The following CDH13 variants were observed in gnomAD, a reference collection of about 807,000 sequenced individuals.
The protein encoded by CDH13 is cadherin 13.
Under a neutral mutation model 63.8 loss-of-function variants are expected in CDH13, and 24 were observed. The observed-to-expected ratio is 0.38, with a 90% CI of 0.27 to 0.53. CDH13 has a LOEUF of 0.53. Among genes scored for constraint, CDH13 ranks in the 20% least tolerant of loss-of-function variants. The pLI, the probability that CDH13 is intolerant of heterozygous loss-of-function variation, is 0.85. For synonymous variants in CDH13, 503 were observed against 355.3 expected, an observed-to-expected ratio of 1.42 and a Z score of -4.67; for missense variants, 1,049 against 903.1, an observed-to-expected ratio of 1.16 and a Z score of -2.07.
chr16:83,452,541 T>C (rs890156711), intron 6 of CDH13, among the ~76,000 whole-genome samples: 1 of 152,190 alleles, frequency 6.6e-6, no homozygotes, highest in Non-Finnish European at 1.5e-5. Context: ...TGTGTTTGGT[T>C]GATGTTTTCG....
intron 4 of CDH13, among the ~76,000 whole-genome samples, chr16:83,200,085 C>G (rs142404462): frequency 1.4e-3 from 218 of 152,260 alleles, no homozygotes; most frequent in Middle Eastern, 3.4e-3. Context: ...CTGATTCACA[C>G]GGTGCTGATA....
intron 1 of CDH13, among the ~76,000 whole-genome samples, chr16:82,749,757 C>G (rs1195620914): frequency 6.6e-6 from 1 of 151,984 alleles, no homozygotes; most frequent in African/African-American, 2.4e-5. Context: ...TTTTGCTTCC[C>G]TCCTTTCCTT....
intron 7 of CDH13, among the ~76,000 whole-genome samples, chr16:83,502,170 C>G (rs541028115): frequency 1.3e-5 from 2 of 152,240 alleles, no homozygotes; most frequent in East Asian, 3.9e-4. Flanking sequence ...CCTTACAGGG[C>G]AAATGGGACT....
At chr16:82,815,440 T>G (rs1162494458) in intron 1 of CDH13, among the ~76,000 whole-genome samples, 1 of 152,066 alleles carries the variant, frequency 6.6e-6, no homozygotes, top group Non-Finnish European at 1.5e-5. Flanking sequence ...GAGGTGGTTG[T>G]GAGGATTACA....
intron 5 of CDH13, among the ~76,000 whole-genome samples, chr16:83,327,610 G>C (rs974306822): frequency 6.6e-6 from 1 of 152,128 alleles, no homozygotes; most frequent in Non-Finnish European, 1.5e-5. Flanking sequence ...TTACAGACCA[G>C]AAAAATGGCT....
chr16:83,278,776 C>G lies in CDH13; in HGVS notation c.636+61279C>G, dbSNP rs570200851. The stretch of plus-strand genomic sequence containing the variant: ...GCAAACTCCTTGAGAGCATCTGATT[C>G]GCATTCTGTGAAGAACCTGTATTCA... On this transcript the variant is annotated intron_variant, in intron 5 of 13. Transcript: ENST00000567109. 2.0e-5 allele frequency among the ~76,000 whole-genome samples: 3 copies of G among 152,250 alleles called. No individual in the cohort carries two copies. In the East Asian group the frequency reaches 5.8e-4, roughly 29 times the overall value.
At chr16:83,395,191 G>A (rs933392781) in intron 6 of CDH13, among the ~76,000 whole-genome samples, 3 of 150,352 alleles carry the variant, frequency 2.0e-5, no homozygotes, top group African/African-American at 7.4e-5. Flanking sequence ...GCATGTGCCT[G>A]TAATCCCAGC....
chr16:83,114,606 C>T (rs1160801352), intron 3 of CDH13, among the ~76,000 whole-genome samples: 1 of 152,168 alleles, frequency 6.6e-6, no homozygotes, highest in African/African-American at 2.4e-5. Flanking sequence ...AGTAAATCTG[C>T]AGTGGGTGAC....
intron 10 of CDH13, among the ~76,000 whole-genome samples, chr16:83,733,789 G>T (rs391967): frequency 1.3e-5 from 2 of 152,048 alleles, no homozygotes; most frequent in Admixed American, 6.5e-5. Flanking sequence ...CCCAGTGAGC[G>T]TGTTTCTTTG....
At chr16:82,802,467 C>G (rs887855478) in intron 1 of CDH13, among the ~76,000 whole-genome samples, 1 of 152,104 alleles carries the variant, frequency 6.6e-6, no homozygotes, top group African/African-American at 2.4e-5. Flanking sequence ...TTGAGAGATT[C>G]AGAGGTTCTC....
chr16:83,524,385 T>A (rs2074908022), intron 7 of CDH13, among the ~76,000 whole-genome samples: 1 of 151,756 alleles, frequency 6.6e-6, no homozygotes, highest in Non-Finnish European at 1.5e-5. Context: ...TTCACACAGG[T>A]CTTCCAGCCT....
intron 9 of CDH13, among the ~76,000 whole-genome samples, chr16:83,675,580 A>G (rs1914886753): frequency 6.6e-6 from 1 of 152,174 alleles, no homozygotes; most frequent in African/African-American, 2.4e-5. Flanking sequence ...TGTTATTGAT[A>G]CCAACACCAG....
intron 5 of CDH13, among the ~76,000 whole-genome samples, chr16:83,250,887 A>C (rs1905447017): frequency 6.6e-6 from 1 of 152,218 alleles, no homozygotes; most frequent in African/African-American, 2.4e-5. Context: ...TTGCAAAACC[A>C]GTGACACTGT....
chr16:83,212,909 G>C (rs921543709), intron 4 of CDH13, among the ~76,000 whole-genome samples: 1 of 152,184 alleles, frequency 6.6e-6, no homozygotes, highest in Non-Finnish European at 1.5e-5. Flanking sequence ...AATTAGTCTA[G>C]AGAAAGCAAG....
chr16:83,428,620 A>G (rs1444926487), intron 6 of CDH13, among the ~76,000 whole-genome samples: 1 of 152,228 alleles, frequency 6.6e-6, no homozygotes, highest in African/African-American at 2.4e-5. Context: ...TGGCATGTAG[A>G]GAGGATGAGA....
chr16:82,688,856 G>A (rs906981097), intron 1 of CDH13: 9 of 152,200 alleles, frequency 5.9e-5, no homozygotes, highest in Non-Finnish European at 1.0e-4. Context: ...AAAGGGAACA[G>A]GGTAACCATG....
chr16:82,967,529 G>A (rs141666766), intron 2 of CDH13, among the ~76,000 whole-genome samples: 3 of 152,150 alleles, frequency 2.0e-5, no homozygotes, highest in Non-Finnish European at 4.4e-5. Flanking sequence ...AATGCATTAA[G>A]TGCCCATTTC....
At position 83,121,216 on chromosome 16, in the gene CDH13, G is replaced by A. The variant is rs151085132; in HGVS notation, c.367-4169G>A. Among the ~76,000 whole-genome samples, 132 of 152,188 alleles carry A rather than the reference G, an allele frequency of 8.7e-4. No homozygotes were observed. In the East Asian group the frequency reaches 0.018, roughly 21 times the overall value. ...CTTTTCACTTCCTAGAGACTAAAGTGTCTCTTACTTAGTCTCTTTCATTGA... is the reference window on the plus strand; with the variant it reads ...CTTTTCACTTCCTAGAGACTAAAGTATCTCTTACTTAGTCTCTTTCATTGA... On this transcript the variant is annotated intron_variant, in intron 3 of 13. Coordinates refer to ENST00000567109, the MANE Select transcript of CDH13 (RefSeq NM_001257.5).
intron 3 of CDH13, among the ~76,000 whole-genome samples, chr16:83,032,647 C>G (rs965413530): frequency 3.3e-5 from 5 of 152,128 alleles, no homozygotes; most frequent in African/African-American, 9.7e-5. Flanking sequence ...CAAGACGATG[C>G]TAGCAAAACC....
Sources: allele counts gnomAD v4.1 joint callset (sites outside exome capture counted in the v4.1 genomes callset), GRCh38; gene constraint gnomAD v4.1.1; transcripts MANE v1.5; gene names NCBI Gene and HGNC (gene_info 2026-07-23, HGNC 2026-07-21).